Variants in UBAP2 observed in about 807,000 individuals in gnomAD.
The protein encoded by UBAP2 is ubiquitin associated protein 2.
UBAP2 carries 75 observed loss-of-function variants against 139.6 expected under a neutral mutation model. The ratio of observed to expected loss-of-function variants is 0.54; its 90% CI spans 0.45 to 0.65. The LOEUF is 0.65. Ranked by LOEUF, UBAP2 falls within the 30% of genes least tolerant of loss-of-function variation. The pLI is 0.00. For missense variants in UBAP2, 1,368 were observed against 1,369.6 expected, an observed-to-expected ratio of 1.00 and a Z score of 0.02; for synonymous variants, 526 against 526.2, an observed-to-expected ratio of 1.00 and a Z score of 0.01.
chr9:34,019,986 C>A (rs1587672016), intron 1 of UBAP2, among the ~76,000 whole-genome samples: 1 of 151,722 alleles, frequency 6.6e-6, no homozygotes, highest in Middle Eastern at 3.4e-3. Flanking sequence ...ATGGTGAAAC[C>A]CCATCTCTAC....
Position 34,024,881 on chromosome 9 carries a change from G to T in UBAP2, c.-41-7692C>A, listed in dbSNP as rs1825276013. 2.6e-5 allele frequency among the ~76,000 whole-genome samples: 4 copies of T among 152,112 alleles called. No homozygotes were observed. In the South Asian group the frequency reaches 8.3e-4, roughly 32 times the overall value. On this transcript the variant is annotated intron_variant, in intron 1 of 28. Coordinates refer to ENST00000379238, the MANE Select transcript of UBAP2 (RefSeq NM_001370062.2). ...AGCCTGTAATCCCAGCTATTTGGGA[G>T]GCTAAGGCAGGAGAATCACTTGAAC...
chr9:33,999,750 T>C (rs1822523118), intron 2 of UBAP2, among the ~76,000 whole-genome samples: 1 of 151,986 alleles, frequency 6.6e-6, no homozygotes, highest in Non-Finnish European at 1.5e-5. Flanking sequence ...CTCATGCTGT[T>C]ACCCTAGCTG....
At chr9:34,015,473 C>A (rs1160703302) in intron 2 of UBAP2, among the ~76,000 whole-genome samples, 1 of 134,214 alleles carries the variant, frequency 7.5e-6, no homozygotes, top group African/African-American at 2.8e-5. Context: ...GCACCCACTA[C>A]CATGCCTGGC....
chr9:33,985,257 T>C (rs1405416864), intron 6 of UBAP2, among the ~76,000 whole-genome samples: 2 of 152,208 alleles, frequency 1.3e-5, no homozygotes, highest in Admixed American at 6.5e-5. Flanking sequence ...TGGTACTTTG[T>C]TACATGCAGA....
chr9:34,034,804 C>G (rs542640527), intron 1 of UBAP2, among the ~76,000 whole-genome samples: 1 of 151,544 alleles, frequency 6.6e-6, no homozygotes, highest in African/African-American at 2.4e-5. Context: ...ACCTGGGAGG[C>G]GGAGGTTGCA....
intron 2 of UBAP2, among the ~76,000 whole-genome samples, chr9:34,009,406 T>C (rs1376536756): frequency 6.6e-6 from 1 of 151,654 alleles, no homozygotes; most frequent in Non-Finnish European, 1.5e-5. Context: ...GCCAAAAAGG[T>C]TTTTTTCTTA....
Position 33,953,335 on chromosome 9 carries a change from G to C in UBAP2, c.1006C>G (p.Pro336Ala), listed in dbSNP as rs1234038128. The change falls in exon 12 of 29, where the codon CCA (proline) becomes GCA (alanine). Residue 336 changes from proline (P) to alanine (A), a missense_variant. Physicochemically the swap from Pro to Ala is conservative, Grantham distance 27. Transcript: ENST00000379238. ...TNSQHNNQMA[P>A]GTGSSTAVNS... ...ACGGCAGTGGAGCTGCCAGTCCCTG[G>C]TGCCATCTGATTGTTGTGTTGCGAA... The C allele has an allele frequency of 1.2e-6, 2 of 1,614,228 alleles. No homozygotes were observed. The highest frequency in any genetic ancestry group is 3.3e-5 in the Admixed American group (2 of 60,026).
At chr9:33,987,390 A>C (rs779777525) in intron 5 of UBAP2, among the ~76,000 whole-genome samples, 5 of 152,056 alleles carry the variant, frequency 3.3e-5, no homozygotes, top group South Asian at 2.1e-4. Flanking sequence ...CCAGCCTGGG[A>C]AAGTGAGCAA....
At chr9:33,993,747 C>A (rs1821911745) in intron 4 of UBAP2, among the ~76,000 whole-genome samples, 1 of 152,188 alleles carries the variant, frequency 6.6e-6, no homozygotes. Context: ...CAGCCCTGAA[C>A]AAGTGTATTC....
chr9:34,005,043 ACT>A (rs1823066521), intron 2 of UBAP2, among the ~76,000 whole-genome samples: 1 of 151,858 alleles, frequency 6.6e-6, no homozygotes, highest in Non-Finnish European at 1.5e-5. Context: ...CAGGCGGATC[ACT>A]TGAGGTCAGG....
At chr9:33,940,496 G>T (rs1564022554) in intron 16 of UBAP2, among the ~76,000 whole-genome samples, 1 of 152,184 alleles carries the variant, frequency 6.6e-6, no homozygotes, top group Non-Finnish European at 1.5e-5. Context: ...GGAACAAAGA[G>T]CCCAGTGTAG....
intron 1 of UBAP2, among the ~76,000 whole-genome samples, chr9:34,044,853 G>C (rs374214011): frequency 1.3e-5 from 2 of 152,042 alleles, no homozygotes; most frequent in South Asian, 4.1e-4. Context: ...GTGACAGAGC[G>C]AGACTCCATC....
chr9:33,973,252 A>G lies in UBAP2; in HGVS notation c.521-15T>C. 6.2e-7 allele frequency: 1 copy of G among 1,613,018 alleles called. No homozygotes were observed. The highest frequency in any genetic ancestry group is 8.5e-7 in the Non-Finnish European group (1 of 1,179,122). On this transcript the variant is annotated splice_polypyrimidine_tract_variant and intron_variant, in intron 6 of 28. Coordinates refer to ENST00000379238, the MANE Select transcript of UBAP2 (RefSeq NM_001370062.2). ...ACGTCCAAATCCTTTAAAAAAACAC[A>G]CAATTATAGTATAAAATAATACTTA...
intron 20 of UBAP2, 108 bp downstream of exon 20, chr9:33,927,689 C>T: frequency 8.3e-7 from 1 of 1,199,776 alleles, no homozygotes; most frequent in South Asian, 1.5e-5. Context: ...ACGCAGCGCA[C>T]TCGGCGGGCC....
chr9:34,014,897 T>C (rs1409687988), intron 2 of UBAP2, among the ~76,000 whole-genome samples: 1 of 152,128 alleles, frequency 6.6e-6, no homozygotes, highest in Non-Finnish European at 1.5e-5. Flanking sequence ...AGTTTGTGAA[T>C]AAATTCCTAT....
At chr9:33,964,409 A>T (rs1231260753) in intron 8 of UBAP2, among the ~76,000 whole-genome samples, 1 of 152,162 alleles carries the variant, frequency 6.6e-6, no homozygotes, top group Non-Finnish European at 1.5e-5. Flanking sequence ...GATGAAAGAA[A>T]AGAGAGAGGA....
intron 8 of UBAP2, among the ~76,000 whole-genome samples, chr9:33,970,696 G>A (rs1287776935): frequency 1.3e-5 from 2 of 152,096 alleles, no homozygotes; most frequent in Non-Finnish European, 2.9e-5. Flanking sequence ...CCACCTAAAT[G>A]CTGAGACTAC....
chr9:33,953,938 A>T (rs1284292307), intron 11 of UBAP2, among the ~76,000 whole-genome samples: 2 of 150,700 alleles, frequency 1.3e-5, no homozygotes, highest in African/African-American at 2.4e-5. Flanking sequence ...ACAGTGTCTC[A>T]CTCTCTTACC....
intron 2 of UBAP2, 37 bp from the exon 3 acceptor site, chr9:33,998,901 C>G: frequency 6.4e-7 from 1 of 1,569,060 alleles, no homozygotes; most frequent in Non-Finnish European, 8.7e-7. Flanking sequence ...ATTTGAACAC[C>G]AAAAGCATAA....
Sources: gnomAD v4.1 joint callset for allele counts (sites outside exome capture counted in the v4.1 genomes callset) on GRCh38, gnomAD v4.1.1 for gene constraint, MANE v1.5 for transcripts, NCBI Gene and HGNC (gene_info 2026-07-23, HGNC 2026-07-21) for gene names.